Variants in SLC24A2 observed in about 807,000 individuals in gnomAD.
The protein encoded by SLC24A2 is solute carrier family 24 member 2.
A neutral mutation model predicts 62.0 loss-of-function variants in SLC24A2; 36 were observed. The ratio of observed to expected loss-of-function variants is 0.58; its 90% CI spans 0.44 to 0.77. The LOEUF (loss-of-function observed/expected upper bound fraction) is 0.77. SLC24A2 is among the 30% of genes least tolerant of loss of function. The pLI, the probability that SLC24A2 is intolerant of heterozygous loss-of-function variation, is 0.00. For synonymous variants in SLC24A2, 358 were observed against 294.0 expected (o/e 1.22, Z -2.23); for missense variants, 846 against 817.9 (o/e 1.03, Z -0.42).
chr9:19,964,219 T>TGGGGTGG, the SLC24A2 span, among the ~76,000 whole-genome samples: 1 of 75,146 alleles, frequency 1.3e-5, no homozygotes, highest in Non-Finnish European at 2.4e-5. Flanking sequence ...GGGACTGTTG[T>TGGGGTGG]GGGGTGGGGG....
At chr9:20,026,442 TA>T in the SLC24A2 span, among the ~76,000 whole-genome samples, 1 of 152,160 alleles carries the variant, frequency 6.6e-6, no homozygotes, top group Non-Finnish European at 1.5e-5. Flanking sequence ...TTATCACATT[TA>T]AAAAATCCCT....
intron 8 of SLC24A2, among the ~76,000 whole-genome samples, chr9:19,534,563 T>A (rs1220538125): frequency 6.6e-6 from 1 of 151,870 alleles, no homozygotes; most frequent in Admixed American, 6.6e-5. Flanking sequence ...CGGGTCCATG[T>A]TATCTCATTG....
chr9:20,024,801 C>T, the SLC24A2 span, among the ~76,000 whole-genome samples: 1 of 152,046 alleles, frequency 6.6e-6, no homozygotes, highest in East Asian at 1.9e-4. Flanking sequence ...GAGGACTAGT[C>T]CCAAAGCATG....
the SLC24A2 span, among the ~76,000 whole-genome samples, chr9:19,888,377 C>G: frequency 5.9e-5 from 9 of 152,008 alleles, no homozygotes; most frequent in Non-Finnish European, 8.8e-5. Flanking sequence ...TTTTCTGACC[C>G]TTTTGTTCAT....
intron 8 of SLC24A2, among the ~76,000 whole-genome samples, chr9:19,549,454 G>A (rs147962695): frequency 1.2e-4 from 18 of 152,270 alleles, no homozygotes; most frequent in African/African-American, 3.9e-4. Context: ...TGTAACTTCT[G>A]GGACTGAATC....
chr9:20,022,429 T>C, the SLC24A2 span, among the ~76,000 whole-genome samples: 1 of 152,212 alleles, frequency 6.6e-6, no homozygotes, highest in Admixed American at 6.5e-5. Flanking sequence ...AGAACAATTA[T>C]GCAACTTGCC....
At chr9:20,304,332 GA>G in the SLC24A2 span, among the ~76,000 whole-genome samples, 90 of 152,282 alleles carry the variant, frequency 5.9e-4, 1 homozygote, top group East Asian at 0.015. Flanking sequence ...AGCACAGAGG[GA>G]AACTGACCAT....
the SLC24A2 span, among the ~76,000 whole-genome samples, chr9:20,256,892 G>GA: frequency 1.3e-5 from 2 of 149,212 alleles, no homozygotes; most frequent in Admixed American, 6.7e-5. Flanking sequence ...AAACCAAAAA[G>GA]AAAAAAACAA....
chr9:20,227,034 AT>A, the SLC24A2 span, among the ~76,000 whole-genome samples: 1 of 152,172 alleles, frequency 6.6e-6, no homozygotes, highest in African/African-American at 2.4e-5. Context: ...TGCATTGTTC[AT>A]TCTCTAAATC....
the SLC24A2 span, among the ~76,000 whole-genome samples, chr9:20,089,733 T>C: frequency 1.5e-5 from 2 of 131,504 alleles, no homozygotes; most frequent in Non-Finnish European, 3.1e-5. Flanking sequence ...CTATCCCTGC[T>C]ACCTTTGGCC....
chr9:19,575,232 G>T (rs768600848), intron 6 of SLC24A2, among the ~76,000 whole-genome samples: 143 of 152,260 alleles, frequency 9.4e-4, no homozygotes, highest in Middle Eastern at 6.8e-3. Context: ...GCTGCATGTG[G>T]CTATGCCAGT....
chr9:19,838,374 A>T, the SLC24A2 span, among the ~76,000 whole-genome samples: 1 of 152,080 alleles, frequency 6.6e-6, no homozygotes, highest in East Asian at 1.9e-4. Flanking sequence ...ATATGGAGAA[A>T]GCTGAAACTG....
intron 2 of SLC24A2, among the ~76,000 whole-genome samples, chr9:19,710,605 G>A (rs1820685858): frequency 6.6e-6 from 1 of 152,204 alleles, no homozygotes; most frequent in Non-Finnish European, 1.5e-5. Context: ...TGAGTCTGGG[G>A]AGGAAGGTGG....
chr9:19,973,310 T>C, the SLC24A2 span, among the ~76,000 whole-genome samples: 47 of 152,270 alleles, frequency 3.1e-4, no homozygotes, highest in Non-Finnish European at 5.7e-4. Context: ...AAATCTTTTC[T>C]CTTGCTCCTT....
chr9:20,020,334 A>G, the SLC24A2 span, among the ~76,000 whole-genome samples: 7 of 152,354 alleles, frequency 4.6e-5, no homozygotes, highest in South Asian at 1.0e-3. Flanking sequence ...ATGTCCATCA[A>G]TGATAGACTG....
At chr9:19,932,702 C>T in the SLC24A2 span, among the ~76,000 whole-genome samples, 1 of 152,318 alleles carries the variant, frequency 6.6e-6, no homozygotes, top group East Asian at 1.9e-4. Flanking sequence ...CACTGTGTTT[C>T]AGACTTTGCA....
the SLC24A2 span, among the ~76,000 whole-genome samples, chr9:19,886,844 C>T: frequency 3.3e-5 from 5 of 152,160 alleles, no homozygotes; most frequent in African/African-American, 9.7e-5. Context: ...AAATGTGGTA[C>T]ATATACACCA....
upstream of SLC24A2, among the ~76,000 whole-genome samples, chr9:19,793,632 T>A (rs546625915): frequency 1.9e-4 from 29 of 152,352 alleles, no homozygotes; most frequent in African/African-American, 6.7e-4. Context: ...ATCACTATTA[T>A]TATCCACAGA....
the SLC24A2 span, among the ~76,000 whole-genome samples, chr9:20,192,317 G>A: frequency 6.6e-6 from 1 of 152,102 alleles, no homozygotes; most frequent in South Asian, 2.1e-4. Flanking sequence ...GGCCTGGAAA[G>A]TTGCACTAAA....
Sources: gnomAD v4.1 joint callset for allele counts (sites outside exome capture counted in the v4.1 genomes callset) on GRCh38, gnomAD v4.1.1 for gene constraint, MANE v1.5 for transcripts, NCBI Gene and HGNC (gene_info 2026-07-23, HGNC 2026-07-21) for gene names.